The following SPECC1 variants were observed in gnomAD, a reference collection of about 807,000 sequenced individuals.
SPECC1 encodes sperm antigen with calponin homology and coiled-coil domains 1.
Under a neutral mutation model 104.1 loss-of-function variants are expected in SPECC1, and 62 were observed. The ratio of observed to expected loss-of-function variants is 0.60; its 90% CI spans 0.49 to 0.74. The LOEUF is 0.74. Among genes scored for constraint, SPECC1 ranks in the 30% least tolerant of loss-of-function variants. The probability of loss-of-function intolerance (pLI) is 0.00; values close to 1 mark genes in which losing one functional copy is unlikely to be tolerated. For synonymous variants in SPECC1, 513 were observed against 501.6 expected (o/e 1.02, Z -0.30); for missense variants, 1,306 against 1,310.5 (o/e 1.00, Z 0.05).
At chr17:20,112,314 T>G (rs771596251) in intron 3 of SPECC1, 1 of 758,654 alleles carries the variant, frequency 1.3e-6, no homozygotes, top group Non-Finnish European at 2.5e-6. Context: ...TGGCATTAAT[T>G]TATTGGATAT....
chr17:20,310,814 T>C (rs7502896), intron 14 of SPECC1, among the ~76,000 whole-genome samples: 1 of 152,260 alleles, frequency 6.6e-6, no homozygotes, highest in Non-Finnish European at 1.5e-5. Context: ...TAATGAGCTG[T>C]GCTTAAATAG....
intron 5 of SPECC1, among the ~76,000 whole-genome samples, chr17:20,228,542 A>G (rs2038377322): frequency 6.6e-6 from 1 of 152,214 alleles, no homozygotes; most frequent in Non-Finnish European, 1.5e-5. Context: ...ATTGCTTGCC[A>G]GTCATCAAGT....
chr17:20,015,615 C>T (rs7215769), intron 1 of SPECC1, among the ~76,000 whole-genome samples: 8,652 of 110,624 alleles, frequency 0.078, 845 homozygotes, highest in African/African-American at 0.25. Flanking sequence ...GGTGGAGTCT[C>T]GCTCTGTCGC....
intron 1 of SPECC1, among the ~76,000 whole-genome samples, chr17:20,038,403 C>CTTTTT (rs10718870): frequency 1.0e-5 from 1 of 99,346 alleles, no homozygotes; most frequent in Non-Finnish European, 2.0e-5. Flanking sequence ...TTTTGATATT[C>CTTTTT]TTTTTTTTTT....
At chr17:20,166,511 C>CT (rs2033660909) in intron 3 of SPECC1, among the ~76,000 whole-genome samples, 1 of 152,000 alleles carries the variant, frequency 6.6e-6, no homozygotes, top group Non-Finnish European at 1.5e-5. Flanking sequence ...AATTATAGAT[C>CT]ATTTAGAAAA....
At chr17:20,250,684 C>G (rs540028814) in intron 9 of SPECC1, among the ~76,000 whole-genome samples, 7 of 152,188 alleles carry the variant, frequency 4.6e-5, no homozygotes, top group African/African-American at 1.7e-4. Flanking sequence ...GTCAATCTTA[C>G]GTAAATTCAG....
chr17:20,112,867 T>C, intron 3 of SPECC1: 3 of 1,590,876 alleles, frequency 1.9e-6, no homozygotes, highest in Non-Finnish European at 1.7e-6. Context: ...CAGGAACTGA[T>C]TTAGAGAATT....
chr17:20,072,632 T>G (rs1251380979), intron 1 of SPECC1, among the ~76,000 whole-genome samples: 2 of 152,204 alleles, frequency 1.3e-5, no homozygotes, highest in Non-Finnish European at 2.9e-5. Context: ...CTCTGTCCAT[T>G]AGAATGACAG....
intron 1 of SPECC1, among the ~76,000 whole-genome samples, chr17:20,020,776 T>C (rs16960602): frequency 0.069 from 10,509 of 152,262 alleles, 985 homozygotes; most frequent in African/African-American, 0.21. Flanking sequence ...GTTCATTCCG[T>C]TTTATCCCAC....
intron 3 of SPECC1, among the ~76,000 whole-genome samples, chr17:20,173,049 A>C (rs2034207326): frequency 6.6e-6 from 1 of 152,230 alleles, no homozygotes; most frequent in Admixed American, 6.5e-5. Flanking sequence ...TTAGAAGTAT[A>C]TAATTCTGTT....
At chr17:20,130,966 A>C (rs2049588710) in intron 3 of SPECC1, among the ~76,000 whole-genome samples, 2 of 152,146 alleles carry the variant, frequency 1.3e-5, no homozygotes, top group African/African-American at 2.4e-5. Context: ...CTAAGTATTT[A>C]TTTTTTATTT....
Position 20,257,603 on chromosome 17 carries a change from C to T in SPECC1, c.2833C>T (p.Leu945Phe), listed in dbSNP as rs756832876. Reference sequence around the variant, plus strand: ...CCGGGCATGGAAACCACAAAGCAAACTCAGGTATCGTGTTTCAAACAATAA... The same window carrying T: ...CCGGGCATGGAAACCACAAAGCAAATTCAGGTATCGTGTTTCAAACAATAA... The part of the protein sequence containing the change: ...STRAWKPQSK[L>F]SVERKDPLAA... The change falls in exon 11 of 15, where the codon CTC becomes TTC. Residue 945 changes from leucine to phenylalanine, a missense_variant. Transcript: ENST00000395527. 1 of 1,612,018 alleles carries T rather than the reference C, an allele frequency of 6.2e-7. No homozygotes were observed. Among genetic ancestry groups the T allele is most frequent in the African/African-American group, 1.3e-5 (1 of 74,722 alleles).
intron 12 of SPECC1, among the ~76,000 whole-genome samples, chr17:20,280,710 A>T (rs1276342102): frequency 6.6e-6 from 1 of 152,210 alleles, no homozygotes; most frequent in African/African-American, 2.4e-5. Context: ...ATATTATTTA[A>T]TTTTAACTAA....
At position 20,155,849 on chromosome 17, in the gene SPECC1, C is replaced by T. The variant is rs2032425332; in HGVS notation, c.283+45287C>T. On this transcript the variant is annotated intron_variant, in intron 3 of 14. Transcript: ENST00000395527. Reference sequence around the variant, plus strand: ...CGTCCCGCCCACGGCGCGGGGCCTTCTGGCAGCCAAGAAGGAAATACAGAT... The same window carrying T: ...CGTCCCGCCCACGGCGCGGGGCCTTTTGGCAGCCAAGAAGGAAATACAGAT... 3 of 982,564 alleles carry T rather than the reference C, an allele frequency of 3.1e-6. No individual in the cohort carries two copies. In the East Asian group the frequency reaches 1.5e-4, roughly 51 times the overall value. The allele number at this position is 982,564 out of a possible 1,614,324, so 60.9% of individuals were successfully genotyped here. A position where few individuals can be genotyped will look rare whatever the true frequency, so the allele number is the denominator to read the frequency against.
At chr17:20,254,134 C>CATGTGT (rs1555639511) in intron 10 of SPECC1, among the ~76,000 whole-genome samples, 4 of 135,898 alleles carry the variant, frequency 2.9e-5, no homozygotes, top group African/African-American at 1.2e-4. Flanking sequence ...GTTGTTACAC[C>CATGTGT]GTGTGTGTGT....
At position 20,010,635 on chromosome 17, in the gene SPECC1, T is replaced by C. The variant is rs1008237210; in HGVS notation, c.-22+1211T>C. On this transcript the variant is annotated intron_variant, in intron 1 of 14. Coordinates refer to ENST00000395527, the MANE Select transcript of SPECC1 (RefSeq NM_001243439.2). ...TCAGTTTTAATAGTTTTTCGCTTGA[T>C]TCGTTTGCCTCTTCCAAGTAGGTGA... 2.6e-5 allele frequency among the ~76,000 whole-genome samples: 4 copies of C among 152,268 alleles called. No individual in the cohort carries two copies. The East Asian group carries it at 5.8e-4, about 22-fold the overall frequency.
chr17:20,316,117 A>T lies in SPECC1; in HGVS notation c.*2052A>T, dbSNP rs1211665580. 2 of 231,758 alleles carry T rather than the reference A, an allele frequency of 8.6e-6. No individual in the cohort carries two copies. The highest frequency in any genetic ancestry group is 1.7e-5 in the Non-Finnish European group (2 of 117,162). 14.4% of individuals were successfully genotyped at this position (231,758 alleles called of 1,614,324 possible). On this transcript the variant is annotated 3_prime_UTR_variant, in exon 15 of 15. Transcript: ENST00000395527. ...AAATGAAACTCGACACATAGAACCA[A>T]TTCAACCTGAAAGTTACTACTTCTG...
intron 1 of SPECC1, among the ~76,000 whole-genome samples, chr17:20,018,530 A>G (rs2044239767): frequency 6.6e-6 from 1 of 152,216 alleles, no homozygotes; most frequent in South Asian, 2.1e-4. Flanking sequence ...CGCTGAGATT[A>G]CCGGCATGGG....
At chr17:20,054,974 T>G (rs1179389520) in intron 1 of SPECC1, among the ~76,000 whole-genome samples, 1 of 152,236 alleles carries the variant, frequency 6.6e-6, no homozygotes, top group Non-Finnish European at 1.5e-5. Flanking sequence ...TAACAAATTT[T>G]TAAGTGTACA....
Sources: allele counts gnomAD v4.1 joint callset (sites outside exome capture counted in the v4.1 genomes callset), GRCh38; gene constraint gnomAD v4.1.1; transcripts MANE v1.5; gene names NCBI Gene and HGNC (gene_info 2026-07-23, HGNC 2026-07-21).